Variants in SDK1 observed in about 807,000 individuals in gnomAD.
The protein encoded by SDK1 is sidekick cell adhesion molecule 1, also known as protein sidekick-1.
A neutral mutation model predicts 245.5 loss-of-function variants in SDK1; 157 were observed. That is an observed-to-expected ratio of 0.64 (90% confidence interval 0.56 to 0.73). SDK1 has a LOEUF of 0.73. Ranked by LOEUF, SDK1 falls within the 30% of genes least tolerant of loss-of-function variation. The pLI, the probability that SDK1 is intolerant of heterozygous loss-of-function variation, is 0.00. For missense variants in SDK1, 3,583 were observed against 3,002.3 expected (o/e 1.19, Z -4.52); for synonymous variants, 1,647 against 1,278.5 (o/e 1.29, Z -6.15).
At chr7:4,039,874 A>G (rs1224191735) in intron 17 of SDK1, among the ~76,000 whole-genome samples, 1 of 152,082 alleles carries the variant, frequency 6.6e-6, no homozygotes, top group African/African-American at 2.4e-5. Flanking sequence ...TTTTGTTTTA[A>G]TAAGGAACAC....
intron 2 of SDK1, among the ~76,000 whole-genome samples, chr7:3,623,920 G>T (rs1481256163): frequency 6.6e-6 from 1 of 151,960 alleles, no homozygotes; most frequent in Non-Finnish European, 1.5e-5. Flanking sequence ...GTTTATTCTT[G>T]CTTTATTCCA....
chr7:3,491,500 A>G (rs539412806), intron 1 of SDK1, among the ~76,000 whole-genome samples: 12 of 152,364 alleles, frequency 7.9e-5, no homozygotes, highest in African/African-American at 2.6e-4. Context: ...TGCCTATAAA[A>G]TGAATTAAAG....
chr7:4,145,615 G>A (rs1278108269), intron 28 of SDK1, 107 bp from the exon 29 acceptor site: 9 of 960,296 alleles, frequency 9.4e-6, no homozygotes, highest in Non-Finnish European at 9.4e-6. Flanking sequence ...CAGAGACGGG[G>A]AAGAGACAGA....
rs115474905 is a variant in SDK1 at position 4,111,798 on chromosome 7, A to G, written c.3434+1026A>G. On this transcript the variant is annotated intron_variant, in intron 23 of 44. Coordinates refer to ENST00000404826, the MANE Select transcript of SDK1 (RefSeq NM_152744.4). ...ACCTCTATAGTAAATGTATATGTGCATACTTGGGATATTTTTCTAGTATGT... is the reference window on the plus strand; with the variant it reads ...ACCTCTATAGTAAATGTATATGTGCGTACTTGGGATATTTTTCTAGTATGT... 2.6e-3 allele frequency among the ~76,000 whole-genome samples: 399 copies of G among 152,354 alleles called. 5 individuals are homozygous for G. The highest frequency in any genetic ancestry group is 9.2e-3 in the African/African-American group (381 of 41,586).
intron 1 of SDK1, among the ~76,000 whole-genome samples, chr7:3,487,852 C>T (rs1016161037): frequency 5.3e-5 from 8 of 151,088 alleles, no homozygotes; most frequent in Non-Finnish European, 8.8e-5. Context: ...TATTTACAAG[C>T]GGAGGGTGTT....
chr7:3,313,070 C>A (rs1344361682), intron 1 of SDK1, among the ~76,000 whole-genome samples: 1 of 152,116 alleles, frequency 6.6e-6, no homozygotes, highest in African/African-American at 2.4e-5. Context: ...AAATCCACTA[C>A]CAACCTAGAA....
At chr7:3,645,883 G>C (rs553321767) in intron 4 of SDK1, among the ~76,000 whole-genome samples, 1 of 151,874 alleles carries the variant, frequency 6.6e-6, no homozygotes, top group South Asian at 2.1e-4. Context: ...TTTTGAGATG[G>C]AGTCTTGTTC....
chr7:3,421,492 G>C (rs1779533892), intron 1 of SDK1, among the ~76,000 whole-genome samples: 1 of 152,126 alleles, frequency 6.6e-6, no homozygotes, highest in South Asian at 2.1e-4. Context: ...GCTACTTGCT[G>C]ATAGAAGACC....
intron 4 of SDK1, among the ~76,000 whole-genome samples, chr7:3,647,147 A>T (rs1782864120): frequency 6.6e-6 from 1 of 152,194 alleles, no homozygotes; most frequent in African/African-American, 2.4e-5. Context: ...GCGCTCTGGG[A>T]GGCCAAAGCA....
chr7:3,361,847 A>G (rs867644446), intron 1 of SDK1, among the ~76,000 whole-genome samples: 25 of 152,202 alleles, frequency 1.6e-4, no homozygotes, highest in South Asian at 1.2e-3. Flanking sequence ...TTAAAGTGCT[A>G]TACTAATAAT....
At position 3,640,934 on chromosome 7, in the gene SDK1, G is replaced by T. The variant is rs535095652; in HGVS notation, c.566-1024G>T. Among the ~76,000 whole-genome samples, 5 of 151,902 alleles carry T rather than the reference G, an allele frequency of 3.3e-5. No homozygotes were observed. In the South Asian group the frequency reaches 8.3e-4, roughly 25 times the overall value. On this transcript the variant is annotated intron_variant, in intron 3 of 44. Transcript: ENST00000404826. Reference sequence around the variant, plus strand: ...CCTGACCTCGTGATCCACCCGCCTCGGCCTCCCAAAGTGCTGGGATGACAG... The same window carrying T: ...CCTGACCTCGTGATCCACCCGCCTCTGCCTCCCAAAGTGCTGGGATGACAG...
chr7:3,657,789 A>G (rs6462213), intron 4 of SDK1, among the ~76,000 whole-genome samples: 95,205 of 152,024 alleles, frequency 0.63, 30,233 homozygotes, highest in South Asian at 0.77. Flanking sequence ...AATCTTCACG[A>G]CATGCTAGTA....
At chr7:3,326,059 A>G (rs1167441877) in intron 1 of SDK1, among the ~76,000 whole-genome samples, 1 of 152,204 alleles carries the variant, frequency 6.6e-6, no homozygotes, top group African/African-American at 2.4e-5. Context: ...AAGCTATTGT[A>G]CAATATTTCT....
At chr7:4,208,002 C>T (rs577920890) in intron 36 of SDK1, 97 bp from the exon 37 acceptor site, 8 of 902,682 alleles carry the variant, frequency 8.9e-6, no homozygotes, top group East Asian at 4.9e-5. Context: ...CGCCCCAGAA[C>T]TCAGCTCACC....
At chr7:3,407,024 A>G (rs944038393) in intron 1 of SDK1, among the ~76,000 whole-genome samples, 4 of 152,184 alleles carry the variant, frequency 2.6e-5, no homozygotes, top group Non-Finnish European at 4.4e-5. Context: ...GGGATCAAGA[A>G]TGCTAGAGGA....
chr7:3,345,101 T>G (rs62437705), intron 1 of SDK1, among the ~76,000 whole-genome samples: 1 of 152,138 alleles, frequency 6.6e-6, no homozygotes, highest in Non-Finnish European at 1.5e-5. Flanking sequence ...GAACTTCGGG[T>G]CTCCACGGAA....
chr7:4,247,336 G>C (rs542622942), intron 44 of SDK1, among the ~76,000 whole-genome samples: 6 of 152,312 alleles, frequency 3.9e-5, no homozygotes, highest in Non-Finnish European at 4.4e-5. Flanking sequence ...GAGGATGCCG[G>C]GTTTGCTGTC....
intron 24 of SDK1, 32 bp from the exon 25 acceptor site, chr7:4,114,005 T>C: frequency 1.3e-6 from 2 of 1,588,822 alleles, no homozygotes; most frequent in South Asian, 1.1e-5. Context: ...TTCTGAGATG[T>C]CAGCTCATCG....
intron 1 of SDK1, among the ~76,000 whole-genome samples, chr7:3,349,240 T>G (rs1326548334): frequency 3.9e-5 from 6 of 152,162 alleles, no homozygotes; most frequent in African/African-American, 1.4e-4. Context: ...ACAGCCTATT[T>G]AGATGTATAC....
Sources: gnomAD v4.1 joint callset for allele counts (sites outside exome capture counted in the v4.1 genomes callset) on GRCh38, gnomAD v4.1.1 for gene constraint, MANE v1.5 for transcripts, NCBI Gene and HGNC (gene_info 2026-07-23, HGNC 2026-07-21) for gene names.